The following DLG2 variants were observed in gnomAD, a reference collection of about 807,000 sequenced individuals.
DLG2 encodes disks large homolog 2.
Under a neutral mutation model 132.5 loss-of-function variants are expected in DLG2, and 45 were observed. That is an observed-to-expected ratio of 0.34 (90% confidence interval 0.27 to 0.44). The LOEUF (loss-of-function observed/expected upper bound fraction) is 0.44, where lower values mean the gene tolerates loss of function less well. Ranked by LOEUF, DLG2 falls within the 20% of genes least tolerant of loss-of-function variation. The pLI is 1.00. For synonymous variants in DLG2, 424 were observed against 419.6 expected (o/e 1.01, Z -0.13); for missense variants, 1,045 against 1,196.9 (o/e 0.87, Z 1.87).
intron 19 of DLG2, among the ~76,000 whole-genome samples, chr11:83,572,311 G>A (rs2096810009): frequency 6.6e-6 from 1 of 152,120 alleles, no homozygotes; most frequent in African/African-American, 2.4e-5. Context: ...ATAGAAACGG[G>A]AATGTGAGAA....
chr11:84,232,119 C>T (rs1374713813), intron 8 of DLG2, among the ~76,000 whole-genome samples: 3 of 152,210 alleles, frequency 2.0e-5, no homozygotes, highest in Middle Eastern at 3.4e-3. Context: ...AGGATCTGTG[C>T]GCAGTAGGAT....
intron 21 of DLG2, 74 bp from the exon 22 acceptor site, chr11:83,484,302 C>CTAGTT: frequency 9.1e-7 from 1 of 1,099,210 alleles, no homozygotes. Flanking sequence ...GACAAAACAA[C>CTAGTT]TAGTTTGTAA....
chr11:84,281,961 T>C (rs990500377), intron 7 of DLG2, among the ~76,000 whole-genome samples: 12 of 152,130 alleles, frequency 7.9e-5, no homozygotes, highest in African/African-American at 2.7e-4. Context: ...GGTCAGTATT[T>C]TTTTCTTAAG....
intron 4 of DLG2, among the ~76,000 whole-genome samples, chr11:85,188,234 C>G (rs770251565): frequency 1.8e-4 from 28 of 152,128 alleles, no homozygotes; most frequent in Non-Finnish European, 2.6e-4. Flanking sequence ...AAACTCTAAC[C>G]AAATATTGGC....
At position 84,846,983 on chromosome 11, in the gene DLG2, T is replaced by A. The variant is rs7945989; in HGVS notation, c.357+264678A>T. 3.7e-3 allele frequency among the ~76,000 whole-genome samples: 561 copies of A among 152,174 alleles called. 8 individuals carry two copies. Among genetic ancestry groups the A allele is most frequent in the African/African-American group, 0.012 (514 of 41,530 alleles). ...CATCACAGTCAGGCTTCCATATGAG[T>A]GCAGTCCCAGCTGCTATTTGAATAC... On this transcript the variant is annotated intron_variant, in intron 6 of 27. Coordinates refer to ENST00000376104, the MANE Select transcript of DLG2 (RefSeq NM_001142699.3).
intron 6 of DLG2, among the ~76,000 whole-genome samples, chr11:84,874,092 A>C (rs1012962864): frequency 1.3e-5 from 2 of 152,214 alleles, no homozygotes; most frequent in African/African-American, 4.8e-5. Context: ...GATGTGGATG[A>C]AAATTATTGG....
At chr11:84,309,457 G>T (rs1469472401) in intron 7 of DLG2, among the ~76,000 whole-genome samples, 1 of 152,192 alleles carries the variant, frequency 6.6e-6, no homozygotes, top group Admixed American at 6.5e-5. Context: ...CGAGTTTAAG[G>T]ACATGGACCA....
chr11:83,752,140 C>T (rs552825215), intron 18 of DLG2, among the ~76,000 whole-genome samples: 164 of 152,150 alleles, frequency 1.1e-3, no homozygotes, highest in African/African-American at 3.9e-3. Flanking sequence ...TGGTGGTGGG[C>T]TCCTGTAGTC....
At chr11:84,822,698 G>A (rs2077839932) in intron 6 of DLG2, among the ~76,000 whole-genome samples, 1 of 151,902 alleles carries the variant, frequency 6.6e-6, no homozygotes, top group South Asian at 2.1e-4. Flanking sequence ...TTCTTATGGA[G>A]AGAGAAGGAC....
intron 6 of DLG2, among the ~76,000 whole-genome samples, chr11:84,849,388 T>C (rs1566142476): frequency 2.0e-5 from 3 of 152,142 alleles, no homozygotes; most frequent in Non-Finnish European, 4.4e-5. Flanking sequence ...CCATCCAAAA[T>C]CTAAAATCCT....
chr11:84,437,511 A>G (rs1163787624), intron 7 of DLG2: 2 of 151,938 alleles, frequency 1.3e-5, no homozygotes, highest in Admixed American at 6.6e-5. Context: ...CCGCACAATC[A>G]ACTTCCCACC....
At chr11:85,015,644 A>G (rs1429459306) in intron 6 of DLG2, among the ~76,000 whole-genome samples, 3 of 152,154 alleles carry the variant, frequency 2.0e-5, no homozygotes, top group Non-Finnish European at 2.9e-5. Flanking sequence ...AGATATTGGC[A>G]AACACTTAAA....
At chr11:84,014,483 T>C (rs2095062032) in intron 11 of DLG2, among the ~76,000 whole-genome samples, 1 of 152,182 alleles carries the variant, frequency 6.6e-6, no homozygotes, top group Non-Finnish European at 1.5e-5. Flanking sequence ...ATAAAATGTT[T>C]AAAGAATCTT....
intron 18 of DLG2, among the ~76,000 whole-genome samples, chr11:83,729,598 G>GCTTTGAAGAA (rs1475871800): frequency 6.6e-6 from 1 of 152,152 alleles, no homozygotes; most frequent in Admixed American, 6.6e-5. Flanking sequence ...CTTCAAACCA[G>GCTTTGAAGAA]CTGGACCAGC....
Position 83,940,456 on chromosome 11 carries a change from A to G in DLG2, c.1341-9973T>C, listed in dbSNP as rs924952894. Among the ~76,000 whole-genome samples the G allele has an allele frequency of 1.3e-5, 2 of 152,152 alleles. 1 individual carries two copies. Among genetic ancestry groups the G allele is most frequent in the Non-Finnish European group, 2.9e-5 (2 of 68,018 alleles). ...TATACCCGATGTTATTAATCCTCCC[A>G]TGAAACCTAAGACATATGCAATACT... On this transcript the variant is annotated intron_variant, in intron 14 of 27. Transcript: ENST00000376104.
At chr11:83,545,685 G>A (rs2096221400) in intron 19 of DLG2, among the ~76,000 whole-genome samples, 2 of 152,040 alleles carry the variant, frequency 1.3e-5, no homozygotes, top group African/African-American at 4.8e-5. Flanking sequence ...GTCCTTAAGG[G>A]GAACTTTCCC....
At chr11:85,412,754 CACACACAT>C (rs1211100094) in intron 3 of DLG2, among the ~76,000 whole-genome samples, 12 of 123,552 alleles carry the variant, frequency 9.7e-5, no homozygotes, top group South Asian at 2.8e-4. Context: ...CACACACACA[CACACACAT>C]ATATATATAT....
Position 85,039,326 on chromosome 11 carries a change from T to C in DLG2, c.357+72335A>G, listed in dbSNP as rs574169302. Among the ~76,000 whole-genome samples the C allele has an allele frequency of 2.6e-5, 4 of 152,028 alleles. No individual in the cohort carries two copies. The South Asian group carries it at 8.3e-4, about 32-fold the overall frequency. ...CTCTCAAAATTCACCCACGATATCT[T>C]ATATCCAGTCTAGGTAGTTGATCAG... is the stretch of plus-strand genomic sequence containing the variant. On this transcript the variant is annotated intron_variant, in intron 6 of 27. Coordinates refer to ENST00000376104, the MANE Select transcript of DLG2 (RefSeq NM_001142699.3).
chr11:84,142,698 G>A (rs1392840367), intron 9 of DLG2, among the ~76,000 whole-genome samples: 1 of 152,106 alleles, frequency 6.6e-6, no homozygotes, highest in African/African-American at 2.4e-5. Context: ...TCTTCTGGAG[G>A]TGGGACATCC....
Sources: allele counts gnomAD v4.1 joint callset (sites outside exome capture counted in the v4.1 genomes callset), GRCh38; gene constraint gnomAD v4.1.1; transcripts MANE v1.5; gene names NCBI Gene and HGNC (gene_info 2026-07-23, HGNC 2026-07-21).